The following RGS22 variants were observed in gnomAD, a reference collection of about 807,000 sequenced individuals.
RGS22 encodes the protein regulator of G protein signaling 22.
In RGS22, 148 loss-of-function variants were observed where a neutral mutation model predicts 172.9. That is an observed-to-expected ratio of 0.86 (90% confidence interval 0.75 to 0.98). RGS22 has a LOEUF of 0.98. Among genes scored for constraint, RGS22 ranks in the 50% least tolerant of loss-of-function variants. The probability of loss-of-function intolerance (pLI) is 0.00; values close to 1 mark genes in which losing one functional copy is unlikely to be tolerated. For missense variants in RGS22, 1,347 were observed against 1,440.8 expected (o/e 0.93, Z 1.05); for synonymous variants, 458 against 480.2 (o/e 0.95, Z 0.60).
intron 20 of RGS22, among the ~76,000 whole-genome samples, chr8:99,993,701 T>G (rs931088232): frequency 1.3e-5 from 2 of 152,212 alleles, no homozygotes; most frequent in African/African-American, 4.8e-5. Context: ...GAGGAGTTGG[T>G]ACCATTCCTT....
chr8:99,962,656 CAACTG>C, intron 26 of RGS22, 26 bp downstream of exon 26: 1 of 1,569,900 alleles, frequency 6.4e-7, no homozygotes, highest in Non-Finnish European at 8.6e-7. Flanking sequence ...AAGAAAGAAA[CAACTG>C]AAGATAGACT....
chr8:100,105,456 T>A, intron 1 of RGS22, 54 bp from the exon 2 acceptor site: 1 of 1,458,810 alleles, frequency 6.9e-7, no homozygotes, highest in Non-Finnish European at 9.6e-7. Flanking sequence ...TTCCTTTGAG[T>A]AAATGAAATC....
chr8:100,023,765 C>G (rs189483179), intron 14 of RGS22, among the ~76,000 whole-genome samples: 32 of 152,210 alleles, frequency 2.1e-4, no homozygotes, highest in Non-Finnish European at 4.4e-4. Flanking sequence ...GTGCTGGCAT[C>G]TTCATTACAA....
chr8:99,978,041 G>T lies in RGS22; in HGVS notation c.3395C>A (p.Pro1132His). ...ATTCTTCCTAAACTCACAGAACTGA[G>T]GCCAGAATTTAAACAGAACCCCAAA... ...TIFGVLFKFW[P>H]QFCEFRKNLT... Residue 1132 changes from proline to histidine, a missense_variant, in exon 23 of 28, where the codon CCT becomes CAT. Transcript: ENST00000360863. The T allele has an allele frequency of 1.3e-6, 2 of 1,525,384 alleles. No individual in the cohort carries two copies. Among genetic ancestry groups the T allele is most frequent in the African/African-American group, 1.4e-5 (1 of 69,092 alleles). 94.5% of individuals were successfully genotyped at this position (1,525,384 alleles called of 1,614,324 possible). A position where few individuals can be genotyped will look rare whatever the true frequency, so the allele number is the denominator to read the frequency against.
In RGS22 at chr8:100,008,569, A is replaced by G. The variant is rs747461927; in HGVS notation, c.2167T>C (p.Tyr723His). Residue 723 changes from tyrosine to histidine, a missense_variant and splice_region_variant, in exon 15 of 28, where the codon TAT becomes CAT. By Grantham distance (83) the Tyr-to-His change is moderately conservative. Coordinates refer to ENST00000360863, the MANE Select transcript of RGS22 (RefSeq NM_015668.5). ...GGAGCAACGTATGTGGCAAAAAGAT[A>G]CTGAAGGAGAAGAGGGAAGAAGGGA... ...QPFKVCKQAQ[Y>H]LFATYVAPSA... is the part of the protein sequence containing the mutation. 1.2e-6 allele frequency: 2 copies of G among 1,605,940 alleles called. No homozygotes were observed. The highest frequency in any genetic ancestry group is 1.7e-5 in the Admixed American group (1 of 58,118).
At chr8:100,053,402 A>C (rs1440589787) in intron 9 of RGS22, among the ~76,000 whole-genome samples, 7 of 149,518 alleles carry the variant, frequency 4.7e-5, no homozygotes, top group Admixed American at 4.7e-4. Flanking sequence ...AGCCTGGGCG[A>C]CAAGAGCAAA....
chr8:100,012,580 A>G (rs547291358), intron 14 of RGS22, among the ~76,000 whole-genome samples: 1 of 152,132 alleles, frequency 6.6e-6, no homozygotes, highest in South Asian at 2.1e-4. Flanking sequence ...GAGGAGAGAG[A>G]CAAAGAGGGA....
intron 17 of RGS22, among the ~76,000 whole-genome samples, 162 bp downstream of exon 17, chr8:100,003,764 T>C (rs1006707854): frequency 2.0e-5 from 3 of 152,212 alleles, no homozygotes; most frequent in African/African-American, 7.2e-5. Flanking sequence ...TACTCCATCT[T>C]TAAAAAGTTA....
chr8:100,087,708 C>T (rs1812265973), intron 3 of RGS22, among the ~76,000 whole-genome samples: 1 of 152,118 alleles, frequency 6.6e-6, no homozygotes, highest in Non-Finnish European at 1.5e-5. Flanking sequence ...AAACATGCAT[C>T]CCTAGTCAGT....
chr8:99,990,718 C>G (rs1813625810), intron 20 of RGS22, among the ~76,000 whole-genome samples: 1 of 152,198 alleles, frequency 6.6e-6, no homozygotes, highest in South Asian at 2.1e-4. Context: ...AGGCAGCAGA[C>G]AACTTCTGCA....
intron 7 of RGS22, 71 bp downstream of exon 7, chr8:100,066,096 T>A: frequency 6.7e-7 from 1 of 1,484,552 alleles, no homozygotes; most frequent in Non-Finnish European, 9.2e-7. Context: ...AGTACTGTAC[T>A]GTAAAATTAG....
chr8:100,085,112 G>A (rs1210767356), intron 3 of RGS22, among the ~76,000 whole-genome samples: 2 of 152,084 alleles, frequency 1.3e-5, no homozygotes, highest in African/African-American at 4.8e-5. Context: ...AAAAGAAGTT[G>A]TAACTAGATA....
At chr8:100,034,261 G>A (rs1392012056) in intron 14 of RGS22, among the ~76,000 whole-genome samples, 1 of 152,106 alleles carries the variant, frequency 6.6e-6, no homozygotes, top group Admixed American at 6.6e-5. Flanking sequence ...AGCAACTTCA[G>A]CAAAGTCTCA....
intron 18 of RGS22, 98 bp from the exon 19 acceptor site, chr8:99,999,518 C>A: frequency 7.6e-7 from 1 of 1,311,864 alleles, no homozygotes; most frequent in Non-Finnish European, 1.0e-6. Context: ...ATTTGCTGCA[C>A]CCTGAGGGGT....
In RGS22 at chr8:100,077,546, C is replaced by T. The variant is rs114897186; in HGVS notation, c.339+2588G>A. Among the ~76,000 whole-genome samples the T allele has an allele frequency of 6.6e-3, 1,000 of 152,082 alleles. 13 individuals carry two copies. The highest frequency in any genetic ancestry group is 0.022 in the African/African-American group (919 of 41,488). On this transcript the variant is annotated intron_variant, in intron 4 of 27. Transcript: ENST00000360863. ...ATTAAGTATTTAAGGATTTTGTTACCGATTTATAGTTTAATTCTGAAGTGG... is the reference window on the plus strand; with the variant it reads ...ATTAAGTATTTAAGGATTTTGTTACTGATTTATAGTTTAATTCTGAAGTGG...
chr8:99,965,346 A>G lies in RGS22; in HGVS notation c.3604T>C (p.Tyr1202His). ...LSDSFLGLQPYGRQPTWCYSK... is the reference protein window; with the variant it reads ...LSDSFLGLQPHGRQPTWCYSK... ...TCTTGCATGCTTACCTGTCGGCCATATGGTTGGAGGCCTAGGAAGGAATCA... is the reference window on the plus strand; with the variant it reads ...TCTTGCATGCTTACCTGTCGGCCATGTGGTTGGAGGCCTAGGAAGGAATCA... Residue 1202 changes from tyrosine to histidine, a missense_variant, in exon 24 of 28, where the codon TAT becomes CAT. Physicochemically the swap from Tyr to His is moderately conservative, Grantham distance 83. Transcript: ENST00000360863. The G allele has an allele frequency of 1.2e-6, 2 of 1,612,446 alleles. No individual in the cohort carries two copies. Among genetic ancestry groups the G allele is most frequent in the Non-Finnish European group, 1.7e-6 (2 of 1,178,650 alleles).
At chr8:100,096,891 A>C (rs1015828387) in intron 2 of RGS22, among the ~76,000 whole-genome samples, 1 of 152,176 alleles carries the variant, frequency 6.6e-6, no homozygotes, top group African/African-American at 2.4e-5. Flanking sequence ...AGACAAAAAA[A>C]CTACAGTCCA....
chr8:99,983,177 T>C (rs947333928), intron 21 of RGS22, among the ~76,000 whole-genome samples: 1 of 152,216 alleles, frequency 6.6e-6, no homozygotes, highest in Non-Finnish European at 1.5e-5. Flanking sequence ...GGTGTATATG[T>C]ACCACATTTT....
At chr8:100,055,036 C>T (rs1822102282) in intron 9 of RGS22, among the ~76,000 whole-genome samples, 1 of 152,214 alleles carries the variant, frequency 6.6e-6, no homozygotes, top group African/African-American at 2.4e-5. Context: ...CAGTCCCTGA[C>T]TCCTGGATGG....
Sources: allele counts gnomAD v4.1 joint callset (sites outside exome capture counted in the v4.1 genomes callset), GRCh38; gene constraint gnomAD v4.1.1; transcripts MANE v1.5; gene names NCBI Gene and HGNC (gene_info 2026-07-23, HGNC 2026-07-21).